CNTN4: variants seen among roughly 807,000 people sequenced by gnomAD.
The protein encoded by CNTN4 is contactin 4, also known as contactin-4.
Under a neutral mutation model 122.5 loss-of-function variants are expected in CNTN4, and 77 were observed. That is an observed-to-expected ratio of 0.63 (90% CI 0.52 to 0.76). CNTN4 has a LOEUF of 0.76. Among genes scored for constraint, CNTN4 ranks in the 30% least tolerant of loss-of-function variants. The probability of loss-of-function intolerance (pLI) is 0.00; values close to 1 mark genes in which losing one functional copy is unlikely to be tolerated. For synonymous variants in CNTN4, 512 were observed against 447.0 expected (o/e 1.15, Z -1.83); for missense variants, 1,256 against 1,259.1 (o/e 1.00, Z 0.04).
intron 3 of CNTN4, among the ~76,000 whole-genome samples, chr3:2,456,590 G>T (rs2151398741): frequency 6.6e-6 from 1 of 152,082 alleles, no homozygotes; most frequent in Non-Finnish European, 1.5e-5. Context: ...TACCTATTCT[G>T]GATATTTCGT....
At chr3:2,920,857 G>A (rs993323228) in intron 12 of CNTN4, among the ~76,000 whole-genome samples, 6 of 152,076 alleles carry the variant, frequency 3.9e-5, no homozygotes, top group Admixed American at 2.0e-4. Flanking sequence ...AGAGCTGCCC[G>A]TGGAAGAAGC....
chr3:2,843,773 A>G (rs2093405944), intron 7 of CNTN4, among the ~76,000 whole-genome samples: 1 of 152,324 alleles, frequency 6.6e-6, no homozygotes, highest in South Asian at 2.1e-4. Flanking sequence ...TGTTTCCTGT[A>G]CAGTTTGCAG....
intron 4 of CNTN4, among the ~76,000 whole-genome samples, chr3:2,676,367 G>A (rs1017040806): frequency 1.5e-3 from 227 of 152,208 alleles, no homozygotes; most frequent in African/African-American, 4.9e-3. Flanking sequence ...AATTACAGGT[G>A]TGCACCACCA....
chr3:2,873,787 A>G (rs74700888), intron 8 of CNTN4, among the ~76,000 whole-genome samples: 2,679 of 152,298 alleles, frequency 0.018, 86 homozygotes, highest in African/African-American at 0.061. Context: ...GACGTGATCT[A>G]CAACCCTTTA....
chr3:2,460,431 G>T (rs1196122050), intron 3 of CNTN4, among the ~76,000 whole-genome samples: 2 of 152,094 alleles, frequency 1.3e-5, no homozygotes, highest in East Asian at 3.9e-4. Context: ...GTGAATGCTT[G>T]ATACCACCAT....
intron 12 of CNTN4, among the ~76,000 whole-genome samples, chr3:2,919,443 T>C (rs1241539825): frequency 6.6e-6 from 1 of 152,024 alleles, no homozygotes; most frequent in African/African-American, 2.4e-5. Context: ...ATATCAACTT[T>C]GTATCAAGCA....
intron 2 of CNTN4, among the ~76,000 whole-genome samples, chr3:2,192,063 CCT>C (rs2037594867): frequency 6.6e-6 from 1 of 151,798 alleles, no homozygotes; most frequent in Non-Finnish European, 1.5e-5. Context: ...ATGAACTCAT[CCT>C]TTTTTATGGC....
At chr3:2,981,930 AG>A (rs1232984588) in intron 13 of CNTN4, among the ~76,000 whole-genome samples, 10 of 151,886 alleles carry the variant, frequency 6.6e-5, no homozygotes, top group African/African-American at 2.4e-4. Context: ...CCTAGCTATC[AG>A]GGAGGCTGAG....
chr3:2,099,977 G>A (rs553910329), intron 1 of CNTN4, among the ~76,000 whole-genome samples: 9 of 152,376 alleles, frequency 5.9e-5, no homozygotes, highest in African/African-American at 2.2e-4. Context: ...CGGCTGCATG[G>A]AAACATTTCG....
chr3:2,739,312 T>TAA (rs200387504), intron 5 of CNTN4, among the ~76,000 whole-genome samples: 1 of 144,850 alleles, frequency 6.9e-6, no homozygotes. Context: ...TAAAAGCCAT[T>TAA]AAAAAAAAAA....
At chr3:2,121,516 G>T (rs984965706) in intron 2 of CNTN4, among the ~76,000 whole-genome samples, 3 of 147,466 alleles carry the variant, frequency 2.0e-5, no homozygotes, top group African/African-American at 7.4e-5. Flanking sequence ...AAAAAAAAAT[G>T]AAGTTGTGTG....
intron 2 of CNTN4, among the ~76,000 whole-genome samples, chr3:2,326,059 G>A (rs2043443415): frequency 6.6e-6 from 1 of 152,074 alleles, no homozygotes; most frequent in South Asian, 2.1e-4. Flanking sequence ...CACATTATTA[G>A]TCTGGGTATT....
chr3:2,475,611 C>T (rs1213983088), intron 3 of CNTN4, among the ~76,000 whole-genome samples: 1 of 152,162 alleles, frequency 6.6e-6, no homozygotes, highest in Admixed American at 6.5e-5. Context: ...TCTCCCATGT[C>T]AGTTCCTTTT....
At chr3:2,171,283 T>G (rs745769684) in intron 2 of CNTN4, among the ~76,000 whole-genome samples, 59 of 152,180 alleles carry the variant, frequency 3.9e-4, no homozygotes, top group Non-Finnish European at 6.9e-4. Context: ...TGGGTCTACA[T>G]GTATGGACCT....
intron 2 of CNTN4, among the ~76,000 whole-genome samples, chr3:2,121,288 A>T (rs2033764392): frequency 6.6e-6 from 1 of 152,158 alleles, no homozygotes; most frequent in African/African-American, 2.4e-5. Context: ...TCACGAGGTC[A>T]GAAGTTTGAG....
At chr3:2,279,382 A>G (rs1271134868) in intron 2 of CNTN4, among the ~76,000 whole-genome samples, 1 of 152,308 alleles carries the variant, frequency 6.6e-6, no homozygotes, top group Non-Finnish European at 1.5e-5. Flanking sequence ...CAACTTTCAC[A>G]ATGTAGTCTA....
intron 2 of CNTN4, among the ~76,000 whole-genome samples, chr3:2,259,073 T>G (rs951947310): frequency 3.3e-5 from 5 of 152,094 alleles, no homozygotes; most frequent in Non-Finnish European, 7.4e-5. Flanking sequence ...CTCTAGTAGT[T>G]GGTTATTTAG....
At chr3:2,187,043 G>T (rs1331448729) in intron 2 of CNTN4, among the ~76,000 whole-genome samples, 3 of 152,108 alleles carry the variant, frequency 2.0e-5, no homozygotes, top group African/African-American at 7.2e-5. Context: ...TTTCTTCTAA[G>T]GTTTTTTATG....
At chr3:2,264,594 G>T (rs116183655) in intron 2 of CNTN4, among the ~76,000 whole-genome samples, 1 of 152,026 alleles carries the variant, frequency 6.6e-6, no homozygotes, top group African/African-American at 2.4e-5. Context: ...ATTGTTTGCA[G>T]TGCAGAAGCT....
Sources: gnomAD v4.1 joint callset for allele counts (sites outside exome capture counted in the v4.1 genomes callset) on GRCh38, gnomAD v4.1.1 for gene constraint, MANE v1.5 for transcripts, NCBI Gene and HGNC (gene_info 2026-07-23, HGNC 2026-07-21) for gene names.